NEIL2: variants seen among roughly 807,000 people sequenced by gnomAD.
The protein encoded by NEIL2 is endonuclease 8-like 2.
In NEIL2, 23 loss-of-function variants were observed where a neutral mutation model predicts 22.2. The ratio of observed to expected loss-of-function variants is 1.04; its 90% confidence interval spans 0.75 to 1.47. The LOEUF is 1.47. NEIL2 is among the 40% of genes most tolerant of loss of function. NEIL2 has a pLI of 0.00. For synonymous variants in NEIL2, 229 were observed against 164.8 expected, an observed-to-expected ratio of 1.39 and a Z score of -2.99; for missense variants, 583 against 404.7, an observed-to-expected ratio of 1.44 and a Z score of -3.78.
Position 11,786,321 on chromosome 8 carries a change from C to A in NEIL2, c.*48C>A. ...GAACCTTGCCGCTTGGGGAACCTGA[C>A]GTCTAAGTGTCCAGAAAGGAGGATG... On this transcript the variant is annotated 3_prime_UTR_variant, in exon 5 of 5. Transcript: ENST00000284503. 1 of 1,563,644 alleles carries A rather than the reference C, an allele frequency of 6.4e-7. No individual in the cohort carries two copies. The highest frequency in any genetic ancestry group is 2.3e-5 in the East Asian group (1 of 43,080).
At chr8:11,779,982 T>C in intron 3 of NEIL2, 32 bp downstream of exon 3, 2 of 1,572,344 alleles carry the variant, frequency 1.3e-6, no homozygotes, top group Non-Finnish European at 1.8e-6. Context: ...TTTCGTGGGC[T>C]CTGATAGTCA....
In NEIL2 at chr8:11,786,335, G is replaced by C; in HGVS notation, c.*62G>C. On this transcript the variant is annotated 3_prime_UTR_variant, in exon 5 of 5. Coordinates refer to ENST00000284503, the MANE Select transcript of NEIL2 (RefSeq NM_145043.4). Reference sequence around the variant, plus strand: ...GGGGAACCTGACGTCTAAGTGTCCAGAAAGGAGGATGTGGGCAGGGACGGG... The same window carrying C: ...GGGGAACCTGACGTCTAAGTGTCCACAAAGGAGGATGTGGGCAGGGACGGG... The C allele has an allele frequency of 6.5e-7, 1 of 1,528,282 alleles. No individual in the cohort carries two copies. The highest frequency in any genetic ancestry group is 1.4e-5 in the African/African-American group (1 of 73,016). 94.7% of individuals were successfully genotyped at this position (1,528,282 alleles called of 1,614,324 possible). A position where few individuals can be genotyped will look rare whatever the true frequency, so the allele number is the denominator to read the frequency against.
At chr8:11,783,820 T>C (rs1448433330) in intron 4 of NEIL2, among the ~76,000 whole-genome samples, 1 of 152,196 alleles carries the variant, frequency 6.6e-6, no homozygotes, top group Non-Finnish European at 1.5e-5. Flanking sequence ...TAAGGGATGC[T>C]GCTCTTGGGT....
Position 11,782,914 on chromosome 8 carries a change from G to A in NEIL2, c.492-289G>A, listed in dbSNP as rs8191638. On this transcript the variant is annotated intron_variant, in intron 3 of 4. Coordinates refer to ENST00000284503, the MANE Select transcript of NEIL2 (RefSeq NM_145043.4). ...CTCTATGTTGTGGTAACGATGTGGG[G>A]ATGTGTGTATGTGTGTATGATCCAG... 2,600 of 477,662 alleles carry A rather than the reference G, an allele frequency of 5.4e-3. 44 individuals carry two copies. The highest frequency in any genetic ancestry group is 0.047 in the African/African-American group (2,352 of 50,524). 29.6% of individuals were successfully genotyped at this position (477,662 alleles called of 1,614,324 possible).
At chr8:11,783,156 T>G (rs1379619739) in intron 3 of NEIL2, 47 bp from the exon 4 acceptor site, 43 of 1,547,540 alleles carry the variant, frequency 2.8e-5, no homozygotes, top group Non-Finnish European at 3.5e-5. Flanking sequence ...GTGCTCTGAC[T>G]ATACTGTGGT....
chr8:11,786,510 G>T lies in NEIL2; in HGVS notation c.*237G>T. ...CCTGTTGAATTGCACCATCGTGAAA[G>T]ATGGGAAAAATCGTGATGATGGGTA... On this transcript the variant is annotated 3_prime_UTR_variant, in exon 5 of 5. Transcript: ENST00000284503. 1 of 568,376 alleles carries T rather than the reference G, an allele frequency of 1.8e-6. No individual in the cohort carries two copies. Among genetic ancestry groups the T allele is most frequent in the African/African-American group, 1.9e-5 (1 of 53,344 alleles). The allele number at this position is 568,376 out of a possible 1,614,324, so 35.2% of individuals were successfully genotyped here.
chr8:11,771,921 C>A (rs1199436296), intron 2 of NEIL2, among the ~76,000 whole-genome samples: 3 of 152,128 alleles, frequency 2.0e-5, no homozygotes, highest in African/African-American at 4.8e-5. Flanking sequence ...CAGAGCAGAA[C>A]CGGCTGGGCA....
Position 11,779,915 on chromosome 8 carries a change from C to G in NEIL2, c.456C>G (p.Ala152=). Residue 152 remains alanine (A), a synonymous_variant, in exon 3 of 5, where the codon GCC becomes GCG. Transcript: ENST00000284503. ...ACGATTTCTCCAGAGCCAAGAAAGC[C>G]AACAAGAGGGGGGACTGGAGGGACC... is the stretch of plus-strand genomic sequence containing the variant. The part of the protein sequence containing the change: ...WVNDFSRAKK[A]NKRGDWRDPS... The G allele has an allele frequency of 1.2e-6, 2 of 1,614,086 alleles. No individual in the cohort carries two copies. Among genetic ancestry groups the G allele is most frequent in the Non-Finnish European group, 1.7e-6 (2 of 1,179,992 alleles).
rs1804244407 is a variant in NEIL2, at chr8:11,779,807, G to C, written c.348G>C (p.Glu116Asp). 2 of 1,614,256 alleles carry C rather than the reference G, an allele frequency of 1.2e-6. No individual in the cohort carries two copies. The highest frequency in any genetic ancestry group is 1.7e-6 in the Non-Finnish European group (2 of 1,180,050). ...ELVPQGEDDS[E>D]YLERDAPAGD... The stretch of plus-strand genomic sequence containing the variant: ...TCCCCCAGGGCGAGGATGATTCTGA[G>C]TATTTGGAGAGAGACGCCCCTGCAG... Residue 116 changes from glutamate to aspartate, a missense_variant, in exon 3 of 5, where the codon GAG becomes GAC. Coordinates refer to ENST00000284503, the MANE Select transcript of NEIL2 (RefSeq NM_145043.4).
At chr8:11,770,484 G>A (rs916683307) in intron 1 of NEIL2, 149 bp downstream of exon 1, 9 of 152,192 alleles carry the variant, frequency 5.9e-5, no homozygotes, top group Non-Finnish European at 1.3e-4. Context: ...ATGTGCTGCT[G>A]CCGAATATGA....
chr8:11,776,524 G>A (rs1375461567), intron 2 of NEIL2, among the ~76,000 whole-genome samples: 1 of 152,226 alleles, frequency 6.6e-6, no homozygotes, highest in East Asian at 1.9e-4. Context: ...AAGTATTGGT[G>A]TAGACGTATG....
chr8:11,770,411 G>C (rs1166592503), intron 1 of NEIL2, 76 bp downstream of exon 1: 2 of 152,226 alleles, frequency 1.3e-5, no homozygotes, highest in African/African-American at 2.4e-5. Context: ...TGGAAAGCCT[G>C]ATGAGGGGAA....
At chr8:11,785,919 A>G (rs564383838) in intron 4 of NEIL2, 44 bp from the exon 5 acceptor site, 11 of 1,578,526 alleles carry the variant, frequency 7.0e-6, no homozygotes, top group African/African-American at 1.4e-5. Context: ...TCATCATGCC[A>G]TGTGTCCTTT....
Position 11,771,525 on chromosome 8 carries a change from G to A in NEIL2, c.78G>A (p.Gly26=). The A allele has an allele frequency of 6.2e-7, 1 of 1,614,074 alleles. No individual in the cohort carries two copies. Among genetic ancestry groups the A allele is most frequent in the Non-Finnish European group, 8.5e-7 (1 of 1,180,008 alleles). ...PFVGQQVVKT[G]GSSKKLQPAS... is the part of the protein sequence containing the mutation. ...TGGGTCAGCAGGTGGTCAAGACAGG[G>A]GGCAGCAGTAAGAAGCTACAGCCCG... Residue 26 remains glycine (G), a synonymous_variant, in exon 2 of 5, where the codon GGG becomes GGA. Coordinates refer to ENST00000284503, the MANE Select transcript of NEIL2 (RefSeq NM_145043.4).
At chr8:11,778,589 T>C (rs1804109940) in intron 2 of NEIL2, among the ~76,000 whole-genome samples, 1 of 152,132 alleles carries the variant, frequency 6.6e-6, no homozygotes, top group Non-Finnish European at 1.5e-5. Flanking sequence ...TTTCAGGCTG[T>C]GTAGAACTGA....
chr8:11,784,587 CACAG>C (rs1471168802), intron 4 of NEIL2, among the ~76,000 whole-genome samples: 3 of 152,194 alleles, frequency 2.0e-5, no homozygotes, highest in African/African-American at 7.2e-5. Context: ...ACTCCAAACA[CACAG>C]ACACTCACTT....
At chr8:11,779,417 C>G (rs1804194784) in intron 2 of NEIL2, among the ~76,000 whole-genome samples, 181 bp from the exon 3 acceptor site, 1 of 152,210 alleles carries the variant, frequency 6.6e-6, no homozygotes, top group Non-Finnish European at 1.5e-5. Context: ...ACTTTGAAAA[C>G]CACATGCGAA....
At chr8:11,780,449 C>T (rs759904601) in intron 3 of NEIL2, among the ~76,000 whole-genome samples, 6 of 152,152 alleles carry the variant, frequency 3.9e-5, no homozygotes, top group African/African-American at 9.7e-5. Context: ...GGCACGATCT[C>T]GCCTCACTGC....
In NEIL2 at chr8:11,786,777, A is replaced by G. The variant is rs113456361; in HGVS notation, c.*504A>G. On this transcript the variant is annotated 3_prime_UTR_variant, in exon 5 of 5. Transcript: ENST00000284503. ...CTCAGCCTCCAGAGTAGCTGGGACT[A>G]CAGGCATGTGATATGATGCTCGGCT... is the stretch of plus-strand genomic sequence containing the variant. 4.2e-3 allele frequency: 752 copies of G among 180,846 alleles called. 5 individuals carry two copies. Among genetic ancestry groups the G allele is most frequent in the Middle Eastern group, 0.017 (6 of 356 alleles). The allele number at this position is 180,846 out of a possible 1,614,324, so 11.2% of individuals were successfully genotyped here.
Sources: gnomAD v4.1 joint callset for allele counts (sites outside exome capture counted in the v4.1 genomes callset) on GRCh38, gnomAD v4.1.1 for gene constraint, MANE v1.5 for transcripts, NCBI Gene and HGNC (gene_info 2026-07-23, HGNC 2026-07-21) for gene names.